AKAP6: variants seen among roughly 807,000 people sequenced by gnomAD.
AKAP6 encodes the protein A-kinase anchoring protein 6, also known as A-kinase anchor protein 6.
AKAP6 carries 58 observed loss-of-function variants against 188.5 expected under a neutral mutation model. The observed-to-expected ratio is 0.31, with a 90% confidence interval of 0.25 to 0.38. AKAP6 has a LOEUF of 0.38. Ranked by LOEUF, AKAP6 falls within the 10% of genes least tolerant of loss-of-function variation. The probability of loss-of-function intolerance (pLI) is 1.00; values close to 1 mark genes in which losing one functional copy is unlikely to be tolerated. For missense variants in AKAP6, 2,710 were observed against 2,740.0 expected (o/e 0.99, Z 0.24); for synonymous variants, 989 against 998.6 (o/e 0.99, Z 0.18).
At chr14:32,817,532 T>C (rs1019320098) in intron 12 of AKAP6, among the ~76,000 whole-genome samples, 12 of 151,746 alleles carry the variant, frequency 7.9e-5, no homozygotes, top group Non-Finnish European at 1.6e-4. Flanking sequence ...TAATTATTTA[T>C]ATAATGCCTT....
At chr14:32,581,680 G>T (rs1369380195) in intron 5 of AKAP6, among the ~76,000 whole-genome samples, 1 of 152,174 alleles carries the variant, frequency 6.6e-6, no homozygotes, top group Non-Finnish European at 1.5e-5. Context: ...GGGTGCTCCT[G>T]TATTGGGTGC....
chr14:32,410,416 T>A (rs1889442984), intron 1 of AKAP6, among the ~76,000 whole-genome samples: 1 of 152,142 alleles, frequency 6.6e-6, no homozygotes, highest in African/African-American at 2.4e-5. Context: ...CCACTTTGAG[T>A]TGTCCTGCCT....
chr14:32,735,612 T>C, intron 10 of AKAP6, 46 bp from the exon 11 acceptor site: 1 of 1,416,356 alleles, frequency 7.1e-7, no homozygotes, highest in Non-Finnish European at 9.6e-7. Flanking sequence ...TGGGGTTTTT[T>C]TTTGTTTGTT....
chr14:32,652,791 G>A (rs575229827), intron 7 of AKAP6, among the ~76,000 whole-genome samples: 12 of 152,260 alleles, frequency 7.9e-5, no homozygotes, highest in African/African-American at 1.4e-4. Context: ...AGTGGCTCAT[G>A]CGTATAATCC....
At chr14:32,732,290 A>G (rs1245313927) in intron 9 of AKAP6, among the ~76,000 whole-genome samples, 164 bp from the exon 10 acceptor site, 1 of 151,872 alleles carries the variant, frequency 6.6e-6, no homozygotes, top group Non-Finnish European at 1.5e-5. Flanking sequence ...TAATATATTC[A>G]GCAATATTCT....
chr14:32,483,334 T>C (rs1879463205), intron 2 of AKAP6, among the ~76,000 whole-genome samples: 1 of 152,174 alleles, frequency 6.6e-6, no homozygotes, highest in East Asian at 1.9e-4. Context: ...TAGAAAATAG[T>C]GTGCATATTT....
chr14:32,565,607 A>C (rs1428619467), intron 4 of AKAP6, among the ~76,000 whole-genome samples: 2 of 152,208 alleles, frequency 1.3e-5, no homozygotes, highest in East Asian at 3.8e-4. Flanking sequence ...TCCACACTGC[A>C]GCCAGAGTGA....
chr14:32,619,994 G>A (rs1446671419), intron 7 of AKAP6, among the ~76,000 whole-genome samples: 1 of 152,088 alleles, frequency 6.6e-6, no homozygotes, highest in Admixed American at 6.6e-5. Flanking sequence ...GCCATTGTTG[G>A]TGTATAGTGG....
intron 9 of AKAP6, among the ~76,000 whole-genome samples, chr14:32,717,822 G>T (rs757932233): frequency 1.3e-5 from 2 of 152,056 alleles, no homozygotes; most frequent in Non-Finnish European, 2.9e-5. Context: ...TCTTCTGAGT[G>T]ACAGGCATGA....
intron 2 of AKAP6, 138 bp downstream of exon 2, chr14:32,433,955 G>A: frequency 1.4e-6 from 1 of 734,544 alleles, no homozygotes; most frequent in East Asian, 2.7e-5. Context: ...ATTATCTTTA[G>A]AGATAAACAT....
At chr14:32,669,277 T>C (rs1322571780) in intron 7 of AKAP6, among the ~76,000 whole-genome samples, 1 of 152,194 alleles carries the variant, frequency 6.6e-6, no homozygotes, top group Non-Finnish European at 1.5e-5. Flanking sequence ...GACTCCCTGC[T>C]CTGATTCTGT....
chr14:32,529,887 A>G (rs1882317904), intron 2 of AKAP6, among the ~76,000 whole-genome samples: 1 of 151,912 alleles, frequency 6.6e-6, no homozygotes, highest in South Asian at 2.1e-4. Flanking sequence ...TATAAAATAC[A>G]TGTATTAGGT....
At chr14:32,779,068 A>C (rs1220776424) in intron 12 of AKAP6, among the ~76,000 whole-genome samples, 4 of 152,062 alleles carry the variant, frequency 2.6e-5, no homozygotes, top group Non-Finnish European at 4.4e-5. Context: ...GATTAGGTTT[A>C]TAAAGCTCTA....
chr14:32,478,862 C>A (rs1408643449), intron 2 of AKAP6, among the ~76,000 whole-genome samples: 1 of 152,030 alleles, frequency 6.6e-6, no homozygotes, highest in Non-Finnish European at 1.5e-5. Context: ...GTATAATGGC[C>A]AAGAATTCCT....
chr14:32,509,800 T>G (rs1594691190), intron 2 of AKAP6, among the ~76,000 whole-genome samples: 2 of 152,134 alleles, frequency 1.3e-5, no homozygotes, highest in African/African-American at 4.8e-5. Flanking sequence ...CCAAGGCAAA[T>G]AGAGTCCTGC....
intron 2 of AKAP6, among the ~76,000 whole-genome samples, chr14:32,472,293 C>T (rs1878824241): frequency 6.6e-6 from 1 of 152,086 alleles, no homozygotes; most frequent in Non-Finnish European, 1.5e-5. Flanking sequence ...TTGGGTGAGG[C>T]AGCTGAGGGC....
intron 2 of AKAP6, among the ~76,000 whole-genome samples, chr14:32,477,889 G>C (rs1055980373): frequency 1.3e-5 from 2 of 152,100 alleles, no homozygotes; most frequent in Admixed American, 6.5e-5. Flanking sequence ...CATGATAATA[G>C]CATCTACCTC....
intron 8 of AKAP6, among the ~76,000 whole-genome samples, chr14:32,684,463 G>C (rs1889822173): frequency 1.3e-5 from 2 of 152,156 alleles, no homozygotes; most frequent in Non-Finnish European, 2.9e-5. Context: ...TCTTAAAGCT[G>C]TAGGTAAAAA....
intron 7 of AKAP6, among the ~76,000 whole-genome samples, chr14:32,633,451 C>A (rs138029882): frequency 2.4e-3 from 368 of 152,146 alleles, no homozygotes; most frequent in African/African-American, 8.6e-3. Context: ...GGATTATACA[C>A]CCCTGTCTAT....
Sources: gnomAD v4.1 joint callset for allele counts (sites outside exome capture counted in the v4.1 genomes callset) on GRCh38, gnomAD v4.1.1 for gene constraint, MANE v1.5 for transcripts, NCBI Gene and HGNC (gene_info 2026-07-23, HGNC 2026-07-21) for gene names.